PIP5K1C: variants seen among roughly 807,000 people sequenced by gnomAD.
PIP5K1C encodes phosphatidylinositol-4-phosphate 5-kinase type 1 gamma.
In PIP5K1C, 45 loss-of-function variants were observed where a neutral mutation model predicts 80.1. That is an observed-to-expected ratio of 0.56 (90% CI 0.44 to 0.72). The LOEUF (loss-of-function observed/expected upper bound fraction) is 0.72. Among genes scored for constraint, PIP5K1C ranks in the 30% least tolerant of loss-of-function variants. The pLI, the probability that PIP5K1C is intolerant of heterozygous loss-of-function variation, is 0.00. For synonymous variants in PIP5K1C, 498 were observed against 420.1 expected, an observed-to-expected ratio of 1.19 and a Z score of -2.27; for missense variants, 753 against 954.6, an observed-to-expected ratio of 0.79 and a Z score of 2.78.
At chr19:3,670,912 G>A (rs755577834) in intron 1 of PIP5K1C, among the ~76,000 whole-genome samples, 20 of 152,258 alleles carry the variant, frequency 1.3e-4, no homozygotes, top group Non-Finnish European at 2.9e-4. Flanking sequence ...CCAGAGGACA[G>A]GGCCAGTCGC....
intron 1 of PIP5K1C, among the ~76,000 whole-genome samples, chr19:3,677,932 A>AATGGAGGG (rs1289114625): frequency 2.0e-5 from 1 of 50,638 alleles, no homozygotes; most frequent in Non-Finnish European, 3.9e-5. Context: ...AGGGATGGAG[A>AATGGAGGG]ATGGAGGGAT....
intron 1 of PIP5K1C, among the ~76,000 whole-genome samples, chr19:3,693,982 G>A (rs1234104073): frequency 6.6e-6 from 1 of 151,546 alleles, no homozygotes; most frequent in Non-Finnish European, 1.5e-5. Flanking sequence ...GGAGGCTGAG[G>A]CGGGCGGATC....
intron 1 of PIP5K1C, among the ~76,000 whole-genome samples, chr19:3,685,546 C>T (rs545619417): frequency 3.3e-5 from 5 of 151,894 alleles, no homozygotes; most frequent in Admixed American, 2.0e-4. Flanking sequence ...CTGGCTAACA[C>T]GGTGAAACCC....
intron 1 of PIP5K1C, among the ~76,000 whole-genome samples, chr19:3,676,066 T>A (rs2035347354): frequency 6.6e-6 from 1 of 152,192 alleles, no homozygotes; most frequent in African/African-American, 2.4e-5. Context: ...TCCTCACGGC[T>A]TCATTTGACA....
chr19:3,693,829 G>A (rs1772245674), intron 1 of PIP5K1C, among the ~76,000 whole-genome samples: 1 of 152,156 alleles, frequency 6.6e-6, no homozygotes, highest in African/African-American at 2.4e-5. Context: ...TTTGGGAGGT[G>A]GAGGCAGGAG....
intron 1 of PIP5K1C, among the ~76,000 whole-genome samples, chr19:3,684,558 A>C (rs2035692702): frequency 6.6e-6 from 1 of 152,246 alleles, no homozygotes; most frequent in Admixed American, 6.5e-5. Context: ...ACAGGAGGCC[A>C]CCAGGGTGTG....
chr19:3,670,127 C>A (rs1214569487), intron 1 of PIP5K1C, among the ~76,000 whole-genome samples: 2 of 151,350 alleles, frequency 1.3e-5, no homozygotes, highest in African/African-American at 4.9e-5. Context: ...GGGTCAGGAG[C>A]CTCTGCAGGC....
intron 1 of PIP5K1C, among the ~76,000 whole-genome samples, chr19:3,693,132 T>A (rs1164778055): frequency 6.6e-6 from 1 of 151,960 alleles, no homozygotes. Context: ...GGCCCTCTCG[T>A]TCCCCCAGGC....
intron 5 of PIP5K1C, 48 bp from the exon 6 acceptor site, chr19:3,656,605 C>A: frequency 6.2e-7 from 1 of 1,607,100 alleles, no homozygotes; most frequent in Non-Finnish European, 8.5e-7. Context: ...GCCGGACACA[C>A]AGACAGCACT....
intron 15 of PIP5K1C, among the ~76,000 whole-genome samples, chr19:3,639,679 G>T (rs2033882935): frequency 6.6e-6 from 1 of 151,772 alleles, no homozygotes; most frequent in Non-Finnish European, 1.5e-5. Flanking sequence ...CGATCCTCCT[G>T]CCTCAGCCTC....
chr19:3,658,972 C>A (rs2034737694), intron 5 of PIP5K1C, among the ~76,000 whole-genome samples: 1 of 152,176 alleles, frequency 6.6e-6, no homozygotes, highest in Admixed American at 6.5e-5. Flanking sequence ...GGCCTCCTCT[C>A]CACCCTCTGC....
rs945993484 is a variant in PIP5K1C, at chr19:3,688,084, G to A, written c.94+12213C>T. 6.6e-6 allele frequency among the ~76,000 whole-genome samples: 1 copy of A among 152,160 alleles called. No individual in the cohort carries two copies. The highest frequency in any genetic ancestry group is 1.5e-5 in the Non-Finnish European group (1 of 68,018). ...ACAGAGCACACGCCAGCCCCTGGGG[G>A]AAGCCCGGCCCGTGCGGGCTGCGGG... On this transcript the variant is annotated intron_variant, in intron 1 of 17. Transcript: ENST00000335312. The surrounding 1 kb of genome is among the most constrained non-coding windows in gnomAD (Gnocchi z 5.3).
rs2033433223 is a variant in PIP5K1C at position 3,630,228 on chromosome 19, G to GT, written c.*2938dup. On this transcript the variant is annotated 3_prime_UTR_variant, in exon 18 of 18. Coordinates refer to ENST00000335312, the MANE Select transcript of PIP5K1C (RefSeq NM_012398.3). The stretch of plus-strand genomic sequence containing the variant: ...AGAGAGATCTCTAAAAAGACGGGGT[G>GT]TGGCGGGGGTAGGTGGGCGAGGAAC... The GT allele has an allele frequency of 6.6e-6, 1 of 152,262 alleles. No homozygotes were observed. The highest frequency in any genetic ancestry group is 2.1e-4 in the South Asian group (1 of 4,830). 9.4% of individuals were successfully genotyped at this position (152,262 alleles called of 1,614,324 possible). A position where few individuals can be genotyped will look rare whatever the true frequency, so the allele number is the denominator to read the frequency against.
At chr19:3,639,698 G>A (rs925929225) in intron 15 of PIP5K1C, among the ~76,000 whole-genome samples, 7 of 152,044 alleles carry the variant, frequency 4.6e-5, no homozygotes, top group African/African-American at 9.7e-5. Flanking sequence ...TCCTTTAGGA[G>A]GGATCACAGA....
At position 3,632,916 on chromosome 19, in the gene PIP5K1C, G is replaced by C. The variant is rs146576179; in HGVS notation, c.*251C>G. On this transcript the variant is annotated 3_prime_UTR_variant, in exon 18 of 18. Coordinates refer to ENST00000335312, the MANE Select transcript of PIP5K1C (RefSeq NM_012398.3). ...TGCTTCCGTCTCTGTGCCAAATAAG[G>C]ACTCAAATGCGATTGGCCGCTCGGG... 5 of 520,512 alleles carry C rather than the reference G, an allele frequency of 9.6e-6. No individual in the cohort carries two copies. The highest frequency in any genetic ancestry group is 2.8e-5 in the South Asian group (1 of 35,600). The allele number at this position is 520,512 out of a possible 1,614,324, so 32.2% of individuals were successfully genotyped here. A position where few individuals can be genotyped will look rare whatever the true frequency, so the allele number is the denominator to read the frequency against.
chr19:3,636,762 G>A (rs2033704746), intron 16 of PIP5K1C: 7 of 986,592 alleles, frequency 7.1e-6, no homozygotes, highest in Middle Eastern at 1.0e-3. Flanking sequence ...AGTCACGGCG[G>A]CCTCGGCGGA....
At chr19:3,652,115 C>G in intron 7 of PIP5K1C, 84 bp from the exon 8 acceptor site, 2 of 1,333,306 alleles carry the variant, frequency 1.5e-6, no homozygotes, top group Non-Finnish European at 2.1e-6. Flanking sequence ...GGGTTCCCAG[C>G]ACGGATGGCC....
Position 3,691,754 on chromosome 19 carries a change from T to C in PIP5K1C, c.94+8543A>G, listed in dbSNP as rs528754221. 2.0e-5 allele frequency among the ~76,000 whole-genome samples: 3 copies of C among 152,324 alleles called. No individual in the cohort carries two copies. The South Asian group carries it at 6.2e-4, about 32-fold the overall frequency. On this transcript the variant is annotated intron_variant, in intron 1 of 17. Transcript: ENST00000335312. The stretch of plus-strand genomic sequence containing the variant: ...ACCACCTTTCTGGGTTACAGAAGCA[T>C]AGAGCCTTTACTGCACTGGGGGTGA...
chr19:3,637,075 C>T lies in PIP5K1C; in HGVS notation c.1920+1809G>A. On this transcript the variant is annotated intron_variant, in intron 16 of 17. Coordinates refer to ENST00000335312, the MANE Select transcript of PIP5K1C (RefSeq NM_012398.3). This position sits in a 1 kb window ranked among gnomAD's most constrained non-coding sequence, Gnocchi z 7.0. Reference sequence around the variant, plus strand: ...GACCATCTCCTCCCCGTCTCCATGGCCCTGCGGTTCAGAGCCCGGCCCTGC... The same window carrying T: ...GACCATCTCCTCCCCGTCTCCATGGTCCTGCGGTTCAGAGCCCGGCCCTGC... 1 of 1,232,234 alleles carries T rather than the reference C, an allele frequency of 8.1e-7. No individual in the cohort carries two copies. The highest frequency in any genetic ancestry group is 1.0e-6 in the Non-Finnish European group (1 of 980,232). 76.3% of individuals were successfully genotyped at this position (1,232,234 alleles called of 1,614,324 possible). A position where few individuals can be genotyped will look rare whatever the true frequency, so the allele number is the denominator to read the frequency against.
Sources: allele counts gnomAD v4.1 joint callset (sites outside exome capture counted in the v4.1 genomes callset), GRCh38; gene constraint gnomAD v4.1.1; non-coding constraint Gnocchi (gnomAD v3.1); transcripts MANE v1.5; gene names NCBI Gene and HGNC (gene_info 2026-07-23, HGNC 2026-07-21).